DPY30: variants seen among roughly 807,000 people sequenced by gnomAD.
DPY30 encodes dpy-30 histone methyltransferase complex regulatory subunit, also known as protein dpy-30 homolog.
DPY30 carries 6 observed loss-of-function variants against 16.2 expected under a neutral mutation model. That is an observed-to-expected ratio of 0.37 (90% CI 0.20 to 0.73). The LOEUF is 0.73. DPY30 is among the 30% of genes least tolerant of loss of function. The probability of loss-of-function intolerance (pLI) is 0.51; values close to 1 mark genes in which losing one functional copy is unlikely to be tolerated. For synonymous variants in DPY30, 39 were observed against 38.8 expected (o/e 1.00, Z -0.02); for missense variants, 73 against 113.1 (o/e 0.65, Z 1.61).
chr2:32,011,873 G>A (rs1435417833), downstream of DPY30: 1 of 152,210 alleles, frequency 6.6e-6, no homozygotes. Context: ...GGGGAACATA[G>A]GAGACCCTGT....
intron 5 of DPY30, among the ~76,000 whole-genome samples, chr2:32,017,626 A>G (rs1261307931): frequency 1.3e-5 from 2 of 152,032 alleles, no homozygotes; most frequent in African/African-American, 4.8e-5. Flanking sequence ...AAAAAAAAAA[A>G]AAAAGAAAAA....
intron 5 of DPY30, among the ~76,000 whole-genome samples, chr2:32,014,146 A>G (rs1036158200): frequency 6.6e-6 from 1 of 152,082 alleles, no homozygotes; most frequent in African/African-American, 2.4e-5. Flanking sequence ...ATGTCCACCA[A>G]TGTGAAACTT....
chr2:32,022,102 C>A (rs546647526), downstream of DPY30, among the ~76,000 whole-genome samples: 10 of 151,694 alleles, frequency 6.6e-5, no homozygotes, highest in African/African-American at 2.4e-4. Flanking sequence ...CTCATCTACT[C>A]AGGAGGCTGA....
At chr2:32,026,727 G>A (rs1270705128) in intron 4 of DPY30, among the ~76,000 whole-genome samples, 1 of 151,888 alleles carries the variant, frequency 6.6e-6, no homozygotes. Flanking sequence ...GGCGGAGGTT[G>A]CAGTGAGCTG....
chr2:32,029,008 A>G (rs1265540991), intron 4 of DPY30, among the ~76,000 whole-genome samples: 1 of 152,154 alleles, frequency 6.6e-6, no homozygotes, highest in African/African-American at 2.4e-5. Flanking sequence ...GCAGTGGCTC[A>G]TGCCTGTAAT....
chr2:32,039,309 G>A lies in DPY30; in HGVS notation c.54C>T (p.His18=), dbSNP rs148715209. The change falls in exon 3 of 5, where the codon CAC becomes CAT. Residue 18 remains histidine, a synonymous_variant. Coordinates refer to ENST00000342166, the MANE Select transcript of DPY30 (RefSeq NM_001321209.2). ...CGTTGTCTGTGAGACCGTACTCAGAGTGAGGATTTTCTGCAACCTAGAAAA... is the reference window on the plus strand; with the variant it reads ...CGTTGTCTGTGAGACCGTACTCAGAATGAGGATTTTCTGCAACCTAGAAAA... The part of the protein sequence containing the change: ...EGQTQVAENP[H]SEYGLTDNVE... 4,476 of 1,614,158 alleles carry A rather than the reference G, an allele frequency of 2.8e-3. 13 individuals are homozygous for A. Among genetic ancestry groups the A allele is most frequent in the Admixed American group, 4.2e-3 (254 of 60,014 alleles).
intron 3 of DPY30, among the ~76,000 whole-genome samples, chr2:32,034,978 A>G (rs1675681794): frequency 6.6e-6 from 1 of 151,842 alleles, no homozygotes; most frequent in Non-Finnish European, 1.5e-5. Flanking sequence ...CTGGGCGACA[A>G]GAGCAAAACT....
chr2:32,039,367 CT>C (rs753109954), intron 2 of DPY30, 41 bp from the exon 3 acceptor site: 1 of 1,614,144 alleles, frequency 6.2e-7, no homozygotes. Context: ...TAAGTCCCCC[CT>C]TTCTCGCTGC....
chr2:32,021,469 G>T (rs1572989613), downstream of DPY30, among the ~76,000 whole-genome samples: 2 of 152,088 alleles, frequency 1.3e-5, no homozygotes, highest in East Asian at 3.9e-4. Flanking sequence ...CCTGAGGTCA[G>T]GAGTTCAAGA....
At chr2:32,025,090 G>T (rs1167045657) in intron 4 of DPY30, among the ~76,000 whole-genome samples, 1 of 152,194 alleles carries the variant, frequency 6.6e-6, no homozygotes, top group Admixed American at 6.6e-5. Flanking sequence ...AGCCCTAAGA[G>T]CTGTCTACAA....
chr2:32,029,500 A>G, intron 4 of DPY30, 94 bp downstream of exon 4: 1 of 1,410,538 alleles, frequency 7.1e-7, no homozygotes, highest in Middle Eastern at 2.6e-4. Flanking sequence ...TAAATCACAC[A>G]GTAAAAAGTC....
chr2:32,029,495 C>T, intron 4 of DPY30, 99 bp downstream of exon 4: 3 of 1,379,768 alleles, frequency 2.2e-6, no homozygotes, highest in Non-Finnish European at 3.0e-6. Flanking sequence ...ATCCATAAAT[C>T]ACACAGTAAA....
At chr2:32,039,192 G>T in intron 3 of DPY30, 87 bp downstream of exon 3, 1 of 1,537,982 alleles carries the variant, frequency 6.5e-7, no homozygotes, top group Non-Finnish European at 9.0e-7. Flanking sequence ...TTTCCCTTGT[G>T]CATAGCCACC....
Position 32,027,715 on chromosome 2 carries a change from G to A in DPY30, c.227+1879C>T, listed in dbSNP as rs368113354. On this transcript the variant is annotated intron_variant, in intron 4 of 4. Transcript: ENST00000342166. Reference sequence around the variant, plus strand: ...GCAATCTCGGCTCACTGCAAGCTCCGCCTCCCGGGTTCACGCCATTCTCCT... The same window carrying A: ...GCAATCTCGGCTCACTGCAAGCTCCACCTCCCGGGTTCACGCCATTCTCCT... Among the ~76,000 whole-genome samples the A allele has an allele frequency of 3.3e-3, 449 of 134,536 alleles. 3 individuals carry two copies. In the East Asian group the frequency reaches 0.034, roughly 10 times the overall value. The allele number at this position is 134,536 out of a possible 152,430, so 88.3% of individuals were successfully genotyped here. A position where few individuals can be genotyped will look rare whatever the true frequency, so the allele number is the denominator to read the frequency against.
chr2:32,021,031 G>A (rs1675168184), downstream of DPY30: 1 of 152,208 alleles, frequency 6.6e-6, no homozygotes, highest in Non-Finnish European at 1.5e-5. Context: ...CACGTTGGGA[G>A]GCCGAGGCGG....
intron 4 of DPY30, among the ~76,000 whole-genome samples, chr2:32,029,345 A>C (rs528819506): frequency 5.9e-5 from 9 of 152,320 alleles, no homozygotes; most frequent in Admixed American, 2.6e-4. Flanking sequence ...TGTCATAATA[A>C]ATAAAAAGAA....
At chr2:32,024,371 C>T (rs1335408768) in intron 4 of DPY30, 115 bp from the exon 5 acceptor site, 1 of 761,494 alleles carries the variant, frequency 1.3e-6, no homozygotes, top group African/African-American at 1.8e-5. Flanking sequence ...ATTTCACAGT[C>T]AAAGGACATT....
At chr2:32,023,491 A>G (rs1274522552), downstream of DPY30, 1 of 475,922 alleles carries the variant, frequency 2.1e-6, no homozygotes, top group Non-Finnish European at 4.3e-6. Context: ...AATGGGAATA[A>G]TAATATCTAC....
Position 32,023,998 on chromosome 2 carries a change from G to A in DPY30, c.*186C>T. 1 of 1,443,948 alleles carries A rather than the reference G, an allele frequency of 6.9e-7. No individual in the cohort carries two copies. The highest frequency in any genetic ancestry group is 9.1e-7 in the Non-Finnish European group (1 of 1,104,698). The allele number at this position is 1,443,948 out of a possible 1,614,324, so 89.4% of individuals were successfully genotyped here. A position where few individuals can be genotyped will look rare whatever the true frequency, so the allele number is the denominator to read the frequency against. ...TGCACAGAATACACTCATTAAATAG[G>A]TATGGTTTATGGTGATTAAATCAAA... On this transcript the variant is annotated 3_prime_UTR_variant, in exon 5 of 5. Coordinates refer to ENST00000342166, the MANE Select transcript of DPY30 (RefSeq NM_001321209.2).
Sources: gnomAD v4.1 joint callset for allele counts (sites outside exome capture counted in the v4.1 genomes callset) on GRCh38, gnomAD v4.1.1 for gene constraint, MANE v1.5 for transcripts, NCBI Gene and HGNC (gene_info 2026-07-23, HGNC 2026-07-21) for gene names.